SIPA1L1: variants seen among roughly 807,000 people sequenced by gnomAD.
The protein encoded by SIPA1L1 is signal induced proliferation associated 1 like 1, also known as signal-induced proliferation-associated 1-like protein 1.
SIPA1L1 carries 26 observed loss-of-function variants against 162.7 expected under a neutral mutation model. That is an observed-to-expected ratio of 0.16 (90% CI 0.12 to 0.22). The LOEUF (loss-of-function observed/expected upper bound fraction) is 0.22, where lower values mean the gene tolerates loss of function less well. Ranked by LOEUF, SIPA1L1 falls within the 10% of genes least tolerant of loss-of-function variation. The pLI is 1.00. For synonymous variants in SIPA1L1, 829 were observed against 837.4 expected (o/e 0.99, Z 0.17); for missense variants, 1,874 against 2,241.0 (o/e 0.84, Z 3.31).
At chr14:71,489,205 G>C (rs1030972752) in intron 2 of SIPA1L1, among the ~76,000 whole-genome samples, 1 of 152,104 alleles carries the variant, frequency 6.6e-6, no homozygotes, top group Non-Finnish European at 1.5e-5. Context: ...ACTGACCTTT[G>C]GTACATTTGG....
At chr14:71,511,828 C>T (rs569720583) in intron 2 of SIPA1L1, among the ~76,000 whole-genome samples, 27 of 152,196 alleles carry the variant, frequency 1.8e-4, no homozygotes, top group African/African-American at 5.3e-4. Flanking sequence ...AAAGATGGGC[C>T]GGAGGTTTAG....
chr14:71,421,591 A>G (rs1257816384), intron 2 of SIPA1L1, among the ~76,000 whole-genome samples: 1 of 32,852 alleles, frequency 3.0e-5, no homozygotes, highest in East Asian at 3.0e-4. Flanking sequence ...GTGAGACCTT[A>G]TTCTTAAAAA....
chr14:71,624,286 G>T, intron 7 of SIPA1L1, 50 bp downstream of exon 7: 1 of 1,478,496 alleles, frequency 6.8e-7, no homozygotes, highest in Non-Finnish European at 9.2e-7. Flanking sequence ...TTATTGCTAG[G>T]CTTCCGGAAT....
At chr14:71,411,434 T>G (rs1004103211) in intron 2 of SIPA1L1, among the ~76,000 whole-genome samples, 1 of 152,224 alleles carries the variant, frequency 6.6e-6, no homozygotes, top group African/African-American at 2.4e-5. Flanking sequence ...GAAGTTGTCC[T>G]TGAACCTGTC....
intron 13 of SIPA1L1, among the ~76,000 whole-genome samples, chr14:71,688,302 GATGCTCAACTGC>G (rs1233281156): frequency 6.6e-6 from 1 of 152,142 alleles, no homozygotes; most frequent in East Asian, 1.9e-4. Flanking sequence ...TCGGATTAGG[GATGCTCAACTGC>G]AAGTGTAATG....
intron 8 of SIPA1L1, among the ~76,000 whole-genome samples, chr14:71,656,179 G>C (rs2043039508): frequency 6.6e-6 from 1 of 152,184 alleles, no homozygotes; most frequent in Admixed American, 6.5e-5. Context: ...AGCATACATT[G>C]TGTGAAATGA....
At chr14:71,524,651 G>A (rs2052683616) in intron 3 of SIPA1L1, among the ~76,000 whole-genome samples, 1 of 152,052 alleles carries the variant, frequency 6.6e-6, no homozygotes. Context: ...GTCTCACTAT[G>A]TTGCCAAGGC....
Position 71,724,792 on chromosome 14 carries a change from T to G in SIPA1L1, c.4571T>G (p.Ile1524Ser). The G allele has an allele frequency of 1.2e-6, 2 of 1,614,194 alleles. No homozygotes were observed. The highest frequency in any genetic ancestry group is 2.2e-5 in the South Asian group (2 of 91,086). The change falls in exon 19 of 24, where the codon ATT (isoleucine) becomes AGT (serine). Residue 1524 changes from isoleucine to serine, a missense_variant. Transcript: ENST00000381232. ...STIEEDLKKL[I>S]DLESPTPESQ... ...ATTGAAGAAGATCTAAAGAAACTAA[T>G]TGATCTTGAAAGCCCAACTCCTGAA...
At chr14:71,359,881 C>T (rs1341723395) in intron 2 of SIPA1L1, among the ~76,000 whole-genome samples, 1 of 152,142 alleles carries the variant, frequency 6.6e-6, no homozygotes, top group African/African-American at 2.4e-5. Flanking sequence ...GATAAAAATG[C>T]ATACAGAGAT....
chr14:71,410,021 T>C (rs911191681), intron 2 of SIPA1L1, among the ~76,000 whole-genome samples: 13 of 152,300 alleles, frequency 8.5e-5, no homozygotes, highest in Middle Eastern at 3.4e-3. Flanking sequence ...TTTTTAATAT[T>C]TATAATCATC....
At chr14:71,664,196 G>A (rs965085167) in intron 10 of SIPA1L1, among the ~76,000 whole-genome samples, 16 of 152,038 alleles carry the variant, frequency 1.1e-4, no homozygotes, top group Non-Finnish European at 2.4e-4. Context: ...TAAAACATGG[G>A]TCTTCAAAGA....
chr14:71,440,177 C>A (rs2044723045), intron 2 of SIPA1L1, among the ~76,000 whole-genome samples: 1 of 152,072 alleles, frequency 6.6e-6, no homozygotes, highest in Non-Finnish European at 1.5e-5. Context: ...AGGCGTGCAT[C>A]ACCATTCCTG....
At chr14:71,554,347 T>TAAAG (rs10690754) in intron 4 of SIPA1L1, among the ~76,000 whole-genome samples, 127,079 of 151,838 alleles carry the variant, frequency 0.84, 53,784 homozygotes, top group African/African-American at 0.95. Context: ...CAGATGACCT[T>TAAAG]AAAATCGTGC....
At chr14:71,554,011 C>A (rs184226469) in intron 4 of SIPA1L1, among the ~76,000 whole-genome samples, 1 of 152,218 alleles carries the variant, frequency 6.6e-6, no homozygotes, top group Admixed American at 6.5e-5. Context: ...TCCGTTCAGT[C>A]CTTTCAAATG....
At chr14:71,495,934 A>G (rs1167516531) in intron 2 of SIPA1L1, among the ~76,000 whole-genome samples, 2 of 150,672 alleles carry the variant, frequency 1.3e-5, no homozygotes, top group East Asian at 3.9e-4. Flanking sequence ...GAAAAAAAGA[A>G]TCAGTTGGGT....
At chr14:71,678,110 T>C (rs1015925305) in intron 12 of SIPA1L1, among the ~76,000 whole-genome samples, 4 of 152,198 alleles carry the variant, frequency 2.6e-5, no homozygotes, top group Admixed American at 1.3e-4. Flanking sequence ...ACTTCCTCTT[T>C]TCCTAATTGA....
At chr14:71,468,253 A>C (rs1233948267) in intron 2 of SIPA1L1, among the ~76,000 whole-genome samples, 1 of 152,230 alleles carries the variant, frequency 6.6e-6, no homozygotes, top group African/African-American at 2.4e-5. Context: ...ATAAGTACCC[A>C]AATGGAGATA....
intron 4 of SIPA1L1, among the ~76,000 whole-genome samples, chr14:71,543,930 T>TATATACATATACGCAC (rs2054766826): frequency 7.3e-6 from 1 of 136,722 alleles, no homozygotes; most frequent in African/African-American, 2.7e-5. Flanking sequence ...ATCATACGTA[T>TATATACATATACGCAC]ATGTGTGTAT....
intron 3 of SIPA1L1, among the ~76,000 whole-genome samples, chr14:71,520,077 A>G (rs1175161237): frequency 6.6e-6 from 1 of 152,178 alleles, no homozygotes; most frequent in Non-Finnish European, 1.5e-5. Context: ...ACTCAAGCCT[A>G]GGTGACAGAG....
Sources: gnomAD v4.1 joint callset for allele counts (sites outside exome capture counted in the v4.1 genomes callset) on GRCh38, gnomAD v4.1.1 for gene constraint, MANE v1.5 for transcripts, NCBI Gene and HGNC (gene_info 2026-07-23, HGNC 2026-07-21) for gene names.